PLXDC2: variants seen among roughly 807,000 people sequenced by gnomAD.
PLXDC2 encodes the protein plexin domain containing 2, also known as plexin domain-containing protein 2.
Under a neutral mutation model 68.9 loss-of-function variants are expected in PLXDC2, and 40 were observed. That is an observed-to-expected ratio of 0.58 (90% CI 0.45 to 0.76). The LOEUF is 0.76. PLXDC2 is among the 30% of genes least tolerant of loss of function. The pLI, the probability that PLXDC2 is intolerant of heterozygous loss-of-function variation, is 0.00. For synonymous variants in PLXDC2, 243 were observed against 234.2 expected, an observed-to-expected ratio of 1.04 and a Z score of -0.34; for missense variants, 644 against 661.9, an observed-to-expected ratio of 0.97 and a Z score of 0.30.
intron 9 of PLXDC2, among the ~76,000 whole-genome samples, chr10:20,211,209 G>A (rs1161852145): frequency 6.6e-6 from 1 of 152,050 alleles, no homozygotes; most frequent in Non-Finnish European, 1.5e-5. Flanking sequence ...GCACAAAAGG[G>A]AAAGAGTTTG....
intron 4 of PLXDC2, among the ~76,000 whole-genome samples, chr10:20,105,559 G>C (rs1833480935): frequency 6.6e-6 from 1 of 152,188 alleles, no homozygotes; most frequent in Non-Finnish European, 1.5e-5. Context: ...TGGGAGTGGG[G>C]AATGAGTGAT....
chr10:20,173,818 T>C (rs533433107), intron 7 of PLXDC2, among the ~76,000 whole-genome samples: 1 of 152,340 alleles, frequency 6.6e-6, no homozygotes, highest in East Asian at 1.9e-4. Flanking sequence ...TTCTAATTAC[T>C]TGTTTCTGAC....
At chr10:19,870,007 C>A (rs377026064) in intron 1 of PLXDC2, among the ~76,000 whole-genome samples, 3 of 152,110 alleles carry the variant, frequency 2.0e-5, no homozygotes, top group East Asian at 3.8e-4. Flanking sequence ...CTTGAAGGAA[C>A]AAGATAAAGG....
chr10:19,988,661 A>T (rs1196738398), intron 1 of PLXDC2, among the ~76,000 whole-genome samples: 1 of 151,768 alleles, frequency 6.6e-6, no homozygotes, highest in Non-Finnish European at 1.5e-5. Context: ...ATAAAATCAA[A>T]TGTTGTAGTG....
chr10:20,200,016 G>A (rs1834895521), intron 9 of PLXDC2, among the ~76,000 whole-genome samples: 1 of 151,872 alleles, frequency 6.6e-6, no homozygotes. Flanking sequence ...AGAGAATCTG[G>A]CAGTTATTTC....
rs894705134 is a variant in PLXDC2 at position 20,251,775 on chromosome 10, A to G, written c.1473+6270A>G. 5.3e-5 allele frequency among the ~76,000 whole-genome samples: 8 copies of G among 152,302 alleles called. No individual in the cohort carries two copies. In the East Asian group the frequency reaches 1.5e-3, roughly 29 times the overall value. ...CTTGCTGAAAGTATTAATGTTGAAC[A>G]TTGTCCTTAATTTTTCTTAGTATAC... On this transcript the variant is annotated intron_variant, in intron 13 of 13. Transcript: ENST00000377252.
intron 1 of PLXDC2, among the ~76,000 whole-genome samples, chr10:19,963,633 A>G (rs1230557413): frequency 1.3e-5 from 2 of 152,156 alleles, no homozygotes; most frequent in African/African-American, 2.4e-5. Flanking sequence ...TGGGAATTGA[A>G]CAATGAGAAC....
chr10:19,935,921 G>T (rs777015465), intron 1 of PLXDC2, among the ~76,000 whole-genome samples: 1 of 152,146 alleles, frequency 6.6e-6, no homozygotes, highest in Non-Finnish European at 1.5e-5. Context: ...TCCTGTTACT[G>T]CTATTCCTAG....
chr10:20,123,755 G>A (rs1013372842), intron 4 of PLXDC2, among the ~76,000 whole-genome samples: 1 of 151,804 alleles, frequency 6.6e-6, no homozygotes, highest in African/African-American at 2.4e-5. Flanking sequence ...GAGATACGAG[G>A]TCAGGGCACG....
intron 7 of PLXDC2, among the ~76,000 whole-genome samples, chr10:20,169,116 C>T (rs77220734): frequency 0.028 from 4,246 of 152,186 alleles, 76 homozygotes; most frequent in South Asian, 0.068. Flanking sequence ...TAGTTTGCAT[C>T]GCATATTATC....
chr10:20,063,667 C>T (rs1279786352), intron 3 of PLXDC2, among the ~76,000 whole-genome samples: 3 of 152,018 alleles, frequency 2.0e-5, no homozygotes, highest in Non-Finnish European at 4.4e-5. Context: ...GTAAAGAAGG[C>T]AAGAAGAGGT....
intron 4 of PLXDC2, among the ~76,000 whole-genome samples, chr10:20,114,695 A>C (rs1234029377): frequency 6.6e-6 from 1 of 152,192 alleles, no homozygotes; most frequent in African/African-American, 2.4e-5. Context: ...GCACAGAAGC[A>C]GGAAAGTATA....
At chr10:20,034,876 C>T (rs1237898981) in intron 2 of PLXDC2, among the ~76,000 whole-genome samples, 2 of 152,216 alleles carry the variant, frequency 1.3e-5, no homozygotes, top group Non-Finnish European at 2.9e-5. Context: ...GACCATCCCA[C>T]ATAGCCTAGG....
rs146148327 is a variant in PLXDC2, at chr10:19,944,128, C to T, written c.113-57647C>T. 1.0e-3 allele frequency among the ~76,000 whole-genome samples: 157 copies of T among 152,124 alleles called. No homozygotes were observed. The Middle Eastern group carries it at 0.014, about 13-fold the overall frequency. ...CCTGAAATCACTTTGGTATGCTTTCCGGTAGGTGCAGAATTTCTCGAGTTT... is the reference window on the plus strand; with the variant it reads ...CCTGAAATCACTTTGGTATGCTTTCTGGTAGGTGCAGAATTTCTCGAGTTT... On this transcript the variant is annotated intron_variant, in intron 1 of 13. Transcript: ENST00000377252.
At chr10:20,197,046 T>G (rs1356227525) in intron 9 of PLXDC2, among the ~76,000 whole-genome samples, 2 of 152,180 alleles carry the variant, frequency 1.3e-5, no homozygotes, top group East Asian at 3.9e-4. Context: ...ATGTGCTAAT[T>G]TTCTGCCTAG....
chr10:20,239,561 A>T (rs560731383), intron 12 of PLXDC2, among the ~76,000 whole-genome samples: 1 of 152,222 alleles, frequency 6.6e-6, no homozygotes, highest in Non-Finnish European at 1.5e-5. Flanking sequence ...ACTCACTATC[A>T]CAAGAACAGC....
chr10:20,235,732 C>T (rs1835423795), intron 12 of PLXDC2, among the ~76,000 whole-genome samples: 1 of 152,098 alleles, frequency 6.6e-6, no homozygotes, highest in African/African-American at 2.4e-5. Flanking sequence ...ATTTTTCTTC[C>T]ATGTTCAGAA....
chr10:20,124,838 T>C (rs1833749492), intron 4 of PLXDC2, among the ~76,000 whole-genome samples: 2 of 76,270 alleles, frequency 2.6e-5, no homozygotes, highest in African/African-American at 1.0e-4. Flanking sequence ...TCTTTTGTGG[T>C]GGAATGTCAT....
At chr10:20,118,031 C>T (rs560744684) in intron 4 of PLXDC2, among the ~76,000 whole-genome samples, 25 of 151,280 alleles carry the variant, frequency 1.7e-4, no homozygotes, top group Non-Finnish European at 3.1e-4. Context: ...TTTCTGTCTC[C>T]GTCTCTATAT....
Sources: gnomAD v4.1 joint callset for allele counts (sites outside exome capture counted in the v4.1 genomes callset) on GRCh38, gnomAD v4.1.1 for gene constraint, MANE v1.5 for transcripts, NCBI Gene and HGNC (gene_info 2026-07-23, HGNC 2026-07-21) for gene names.